Variants in PRKG1 observed in about 807,000 individuals in gnomAD.
The protein encoded by PRKG1 is protein kinase cGMP-dependent 1, also known as cGMP-dependent protein kinase 1.
PRKG1 carries 35 observed loss-of-function variants against 88.1 expected under a neutral mutation model. That is an observed-to-expected ratio of 0.40 (90% confidence interval 0.30 to 0.53). The LOEUF (loss-of-function observed/expected upper bound fraction) is 0.53, where lower values mean the gene tolerates loss of function less well. Ranked by LOEUF, PRKG1 falls within the 20% of genes least tolerant of loss-of-function variation. The pLI is 0.59. For missense variants in PRKG1, 540 were observed against 839.8 expected (o/e 0.64, Z 4.41); for synonymous variants, 303 against 292.5 (o/e 1.04, Z -0.37).
intron 5 of PRKG1, among the ~76,000 whole-genome samples, chr10:52,010,433 A>C (rs2133168324): frequency 6.6e-6 from 1 of 152,262 alleles, no homozygotes; most frequent in East Asian, 1.9e-4. Flanking sequence ...GCATGCAGCC[A>C]ATACGCATAT....
At chr10:51,107,663 A>G (rs73323803) in intron 1 of PRKG1, among the ~76,000 whole-genome samples, 5,192 of 151,940 alleles carry the variant, frequency 0.034, 106 homozygotes, top group Middle Eastern at 0.058. Flanking sequence ...ATATCTACAA[A>G]AAACTGAAAA....
At chr10:51,100,574 A>AT (rs1373214017) in intron 1 of PRKG1, among the ~76,000 whole-genome samples, 15 of 152,246 alleles carry the variant, frequency 9.9e-5, no homozygotes, top group African/African-American at 3.6e-4. Flanking sequence ...GTGACTGCCA[A>AT]TAAGCATAGC....
At chr10:51,579,452 G>A (rs1429852884) in intron 3 of PRKG1, among the ~76,000 whole-genome samples, 2 of 152,066 alleles carry the variant, frequency 1.3e-5, no homozygotes, top group Admixed American at 6.6e-5. Flanking sequence ...TTGTCACTGA[G>A]TTTTGTGATA....
intron 5 of PRKG1, among the ~76,000 whole-genome samples, chr10:52,021,498 A>G (rs1239322949): frequency 6.6e-6 from 1 of 152,046 alleles, no homozygotes; most frequent in African/African-American, 2.4e-5. Context: ...TGCTGCTGAT[A>G]TGGGAAGATG....
chr10:51,907,487 T>C lies in PRKG1; in HGVS notation c.699-20T>C, dbSNP rs1298013120. ...AAGTTGTGGTTCATGTGTTCAGCAC[T>C]ATTCTGTTTTGTTTTTCAGCGTTCC... On this transcript the variant is annotated intron_variant, in intron 4 of 17. Coordinates refer to ENST00000373980, the MANE Select transcript of PRKG1 (RefSeq NM_006258.4). 1 of 1,603,376 alleles carries C rather than the reference T, an allele frequency of 6.2e-7. No individual in the cohort carries two copies. Among genetic ancestry groups the C allele is most frequent in the African/African-American group, 1.3e-5 (1 of 74,680 alleles).
At chr10:51,959,415 G>T (rs769775769) in intron 5 of PRKG1, among the ~76,000 whole-genome samples, 2 of 152,118 alleles carry the variant, frequency 1.3e-5, no homozygotes, top group African/African-American at 4.8e-5. Context: ...ATAATATTGA[G>T]TACTGCTGCG....
intron 2 of PRKG1, among the ~76,000 whole-genome samples, chr10:51,298,189 T>C (rs1166593671): frequency 2.0e-5 from 3 of 152,288 alleles, no homozygotes; most frequent in Admixed American, 6.5e-5. Flanking sequence ...TTAATTATGA[T>C]GTCCAAATTT....
intron 2 of PRKG1, among the ~76,000 whole-genome samples, chr10:51,226,684 G>T (rs1343090832): frequency 6.6e-6 from 1 of 152,082 alleles, no homozygotes; most frequent in African/African-American, 2.4e-5. Flanking sequence ...GAATAAGAAG[G>T]CAGATCCAAG....
chr10:52,034,229 A>G (rs1845546713), intron 5 of PRKG1, among the ~76,000 whole-genome samples: 1 of 151,596 alleles, frequency 6.6e-6, no homozygotes, highest in Non-Finnish European at 1.5e-5. Flanking sequence ...TTACATTAAT[A>G]AGAAAAATAA....
chr10:52,101,870 G>A (rs1180311314), intron 7 of PRKG1, among the ~76,000 whole-genome samples: 2 of 152,278 alleles, frequency 1.3e-5, no homozygotes, highest in East Asian at 1.9e-4. Flanking sequence ...AGCCCAAAAT[G>A]TCCACAAAGG....
intron 2 of PRKG1, among the ~76,000 whole-genome samples, chr10:51,347,442 A>G (rs780220936): frequency 2.6e-5 from 4 of 152,180 alleles, no homozygotes; most frequent in African/African-American, 7.2e-5. Flanking sequence ...GGAACTCTTG[A>G]TACTTTTATA....
At chr10:51,947,553 C>T (rs188070799) in intron 5 of PRKG1, among the ~76,000 whole-genome samples, 42 of 152,308 alleles carry the variant, frequency 2.8e-4, no homozygotes, top group Middle Eastern at 3.4e-3. Flanking sequence ...CCGTCTTCTG[C>T]GTTGCTCAGC....
upstream of PRKG1, among the ~76,000 whole-genome samples, chr10:51,069,652 G>A (rs542393516): frequency 4.1e-4 from 63 of 152,178 alleles, no homozygotes; most frequent in Non-Finnish European, 6.5e-4. Flanking sequence ...TAATGTATAA[G>A]TGGGTTTGTA....
chr10:51,344,423 C>G (rs1842068481), intron 2 of PRKG1, among the ~76,000 whole-genome samples: 1 of 152,188 alleles, frequency 6.6e-6, no homozygotes, highest in Non-Finnish European at 1.5e-5. Context: ...GATTACATTT[C>G]AACATGAGAT....
intron 2 of PRKG1, among the ~76,000 whole-genome samples, chr10:51,228,138 CA>C (rs5784864): frequency 0.023 from 3,502 of 152,228 alleles, 128 homozygotes; most frequent in African/African-American, 0.076. Flanking sequence ...CAGAAGCTAG[CA>C]TTCTCATTTG....
At chr10:51,929,346 C>CTTTTT (rs67175480) in intron 5 of PRKG1, among the ~76,000 whole-genome samples, 11 of 109,702 alleles carry the variant, frequency 1.0e-4, no homozygotes, top group Non-Finnish European at 1.8e-4. Flanking sequence ...GAATTCCTTC[C>CTTTTT]TTTTTTTTTT....
intron 5 of PRKG1, among the ~76,000 whole-genome samples, chr10:51,971,002 T>C (rs9731091): frequency 0.12 from 17,753 of 151,518 alleles, 1,297 homozygotes; most frequent in East Asian, 0.34. Flanking sequence ...TATTATGGAG[T>C]ACCACACAGC....
chr10:51,152,058 T>C (rs548760959), intron 1 of PRKG1, among the ~76,000 whole-genome samples: 124 of 152,222 alleles, frequency 8.1e-4, no homozygotes, highest in African/African-American at 2.9e-3. Context: ...TCATCTTATG[T>C]GGCTTCTGAC....
intron 5 of PRKG1, among the ~76,000 whole-genome samples, chr10:52,006,181 A>G (rs1217286263): frequency 6.6e-6 from 1 of 152,204 alleles, no homozygotes; most frequent in Non-Finnish European, 1.5e-5. Flanking sequence ...AGAAAGAACC[A>G]GTGTAAGAAC....
Sources: gnomAD v4.1 joint callset for allele counts (sites outside exome capture counted in the v4.1 genomes callset) on GRCh38, gnomAD v4.1.1 for gene constraint, MANE v1.5 for transcripts, NCBI Gene and HGNC (gene_info 2026-07-23, HGNC 2026-07-21) for gene names.